The following ASAP1 variants were observed in gnomAD, a reference collection of about 807,000 sequenced individuals.
ASAP1 encodes the protein arf-GAP with SH3 domain, ANK repeat and PH domain-containing protein 1.
In ASAP1, 43 loss-of-function variants were observed where a neutral mutation model predicts 145.2. The ratio of observed to expected loss-of-function variants is 0.30; its 90% CI spans 0.23 to 0.38. The LOEUF is 0.38. Among genes scored for constraint, ASAP1 ranks in the 10% least tolerant of loss-of-function variants. The pLI is 1.00. For synonymous variants in ASAP1, 546 were observed against 515.5 expected (o/e 1.06, Z -0.80); for missense variants, 1,018 against 1,355.3 (o/e 0.75, Z 3.91).
At chr8:130,237,359 G>C (rs980121908) in intron 3 of ASAP1, among the ~76,000 whole-genome samples, 1 of 152,148 alleles carries the variant, frequency 6.6e-6, no homozygotes, top group African/African-American at 2.4e-5. Context: ...GACATGAATG[G>C]CACAATACCC....
At chr8:130,266,501 AC>A (rs987464482) in intron 3 of ASAP1, among the ~76,000 whole-genome samples, 10 of 152,170 alleles carry the variant, frequency 6.6e-5, no homozygotes, top group African/African-American at 2.2e-4. Context: ...AGCTGGAAGC[AC>A]CCCAGGAGAA....
intron 3 of ASAP1, among the ~76,000 whole-genome samples, chr8:130,295,981 C>T (rs1822248611): frequency 6.6e-6 from 1 of 152,154 alleles, no homozygotes; most frequent in Admixed American, 6.5e-5. Flanking sequence ...GAATGCCACC[C>T]AATTAAAGGG....
At chr8:130,286,682 A>G (rs1771345896) in intron 3 of ASAP1, among the ~76,000 whole-genome samples, 1 of 152,168 alleles carries the variant, frequency 6.6e-6, no homozygotes, top group Non-Finnish European at 1.5e-5. Flanking sequence ...GTTACCCATC[A>G]TCATCTTCAT....
intron 5 of ASAP1, among the ~76,000 whole-genome samples, chr8:130,201,713 A>G (rs1264393555): frequency 6.6e-6 from 1 of 152,194 alleles, no homozygotes; most frequent in African/African-American, 2.4e-5. Flanking sequence ...TCCCTATCCT[A>G]AGGATTTCTT....
At chr8:130,357,979 C>T (rs761239180) in intron 3 of ASAP1, 38 bp downstream of exon 3, 24 of 1,577,952 alleles carry the variant, frequency 1.5e-5, no homozygotes, top group Non-Finnish European at 1.9e-5. Flanking sequence ...GCGGCGGCAG[C>T]GGCGAGCGTG....
At chr8:130,054,881 C>A (rs942017106) in intron 29 of ASAP1, 76 bp from the exon 30 acceptor site, 3 of 1,161,878 alleles carry the variant, frequency 2.6e-6, no homozygotes, top group South Asian at 1.2e-5. Context: ...GGGTAAGAGC[C>A]CAGCCTAGTC....
chr8:130,270,734 G>T (rs771822384), intron 3 of ASAP1, among the ~76,000 whole-genome samples: 50 of 152,174 alleles, frequency 3.3e-4, no homozygotes, highest in Non-Finnish European at 5.3e-4. Context: ...AGGTAATTCT[G>T]TCCAACAGGT....
At chr8:130,084,376 A>C (rs889964325) in intron 25 of ASAP1, 1 of 152,256 alleles carries the variant, frequency 6.6e-6, no homozygotes, top group Non-Finnish European at 1.5e-5. Context: ...TATGGAAGCA[A>C]CTCAATCCCT....
chr8:130,269,601 G>A (rs1179463761), intron 3 of ASAP1, among the ~76,000 whole-genome samples: 1 of 152,154 alleles, frequency 6.6e-6, no homozygotes, highest in Non-Finnish European at 1.5e-5. Flanking sequence ...TCAGCTTAGT[G>A]TAGCAAACCT....
At chr8:130,139,927 A>T (rs1817033463) in intron 13 of ASAP1, among the ~76,000 whole-genome samples, 1 of 150,844 alleles carries the variant, frequency 6.6e-6, no homozygotes, top group African/African-American at 2.4e-5. Context: ...AATCTTAAAA[A>T]AAAAAAAACA....
rs1477093935 is a variant in ASAP1 at position 130,292,423 on chromosome 8, A to C, written c.187-55429T>G. On this transcript the variant is annotated intron_variant, in intron 3 of 29. Transcript: ENST00000518721. ...TCTGCCTGCCCCCCAATCCCATCCC[A>C]GAGGGAAGGCTTTACAAAGCAGGGG... is the stretch of plus-strand genomic sequence containing the variant. 3.3e-5 allele frequency among the ~76,000 whole-genome samples: 5 copies of C among 152,202 alleles called. No individual in the cohort carries two copies. In the East Asian group the frequency reaches 9.6e-4, roughly 29 times the overall value.
At chr8:130,217,075 CT>C (rs1229569276) in intron 4 of ASAP1, among the ~76,000 whole-genome samples, 8 of 152,222 alleles carry the variant, frequency 5.3e-5, no homozygotes, top group Admixed American at 1.3e-4. Context: ...TCCCCATACT[CT>C]CAAAGTAAGG....
At chr8:130,077,760 C>A (rs989011686) in intron 26 of ASAP1, among the ~76,000 whole-genome samples, 2 of 152,112 alleles carry the variant, frequency 1.3e-5, no homozygotes, top group African/African-American at 4.8e-5. Context: ...CCTTTCTGTC[C>A]TGGCTCTTGG....
At chr8:130,303,049 C>A (rs2670889) in intron 3 of ASAP1, among the ~76,000 whole-genome samples, 1 of 152,122 alleles carries the variant, frequency 6.6e-6, no homozygotes, top group Admixed American at 6.5e-5. Flanking sequence ...GAATCCATAC[C>A]TAAGGCAGAA....
intron 18 of ASAP1, among the ~76,000 whole-genome samples, chr8:130,120,502 G>A (rs2097564089): frequency 6.6e-6 from 1 of 152,214 alleles, no homozygotes; most frequent in Non-Finnish European, 1.5e-5. Flanking sequence ...GCACATGTTA[G>A]GGGTTCATTT....
At chr8:130,367,168 G>C (rs1407893684) in intron 2 of ASAP1, among the ~76,000 whole-genome samples, 4 of 151,994 alleles carry the variant, frequency 2.6e-5, no homozygotes, top group Non-Finnish European at 5.9e-5. Context: ...GGGATTACAG[G>C]TGTGAGCCAC....
chr8:130,239,649 G>C (rs980234421), intron 3 of ASAP1, among the ~76,000 whole-genome samples: 14 of 152,130 alleles, frequency 9.2e-5, no homozygotes, highest in Admixed American at 3.3e-4. Flanking sequence ...AAGAGCAGGA[G>C]GGAAAGAACA....
Position 130,264,117 on chromosome 8 carries a change from T to C in ASAP1, c.187-27123A>G, listed in dbSNP as rs142036462. ...ACAGAGAGACACAACACACATGTCT[T>C]TCTTGAGTGCTACCTCCAGATAAGG... On this transcript the variant is annotated intron_variant, in intron 3 of 29. Coordinates refer to ENST00000518721, the MANE Select transcript of ASAP1 (RefSeq NM_018482.4). Among the ~76,000 whole-genome samples the C allele has an allele frequency of 4.8e-4, 73 of 152,332 alleles. 1 individual carries two copies. The East Asian group carries it at 0.014, about 28-fold the overall frequency.
At chr8:130,386,850 A>G (rs959223072) in intron 2 of ASAP1, 6 of 152,100 alleles carry the variant, frequency 3.9e-5, no homozygotes, top group Admixed American at 3.9e-4. Flanking sequence ...GTCACTCCAC[A>G]CTTCAGCTTG....
Sources: gnomAD v4.1 joint callset for allele counts (sites outside exome capture counted in the v4.1 genomes callset) on GRCh38, gnomAD v4.1.1 for gene constraint, MANE v1.5 for transcripts, NCBI Gene and HGNC (gene_info 2026-07-23, HGNC 2026-07-21) for gene names.